The following PCDH9 variants were observed in gnomAD, a reference collection of about 807,000 sequenced individuals.
The protein encoded by PCDH9 is protocadherin 9.
PCDH9 carries 24 observed loss-of-function variants against 70.6 expected under a neutral mutation model. That is an observed-to-expected ratio of 0.34 (90% CI 0.25 to 0.48). The LOEUF (loss-of-function observed/expected upper bound fraction) is 0.48. Ranked by LOEUF, PCDH9 falls within the 20% of genes least tolerant of loss-of-function variation. The probability of loss-of-function intolerance (pLI) is 0.99; values close to 1 mark genes in which losing one functional copy is unlikely to be tolerated. For synonymous variants in PCDH9, 562 were observed against 558.5 expected, an observed-to-expected ratio of 1.01 and a Z score of -0.09; for missense variants, 1,281 against 1,503.6, an observed-to-expected ratio of 0.85 and a Z score of 2.45.
intron 2 of PCDH9, chr13:67,202,121 A>G (rs2089228313): frequency 6.6e-6 from 1 of 152,030 alleles, no homozygotes; most frequent in Admixed American, 6.6e-5. Flanking sequence ...AAGTGAAAGC[A>G]AGGAAACACA....
At chr13:67,208,971 T>C (rs552670842) in intron 2 of PCDH9, 2 of 152,294 alleles carry the variant, frequency 1.3e-5, no homozygotes, top group African/African-American at 4.8e-5. Context: ...AACGTTACTT[T>C]AGGTGAAATT....
At chr13:67,078,102 C>T (rs1052867709) in intron 2 of PCDH9, among the ~76,000 whole-genome samples, 10 of 152,018 alleles carry the variant, frequency 6.6e-5, no homozygotes, top group African/African-American at 2.2e-4. Flanking sequence ...CATGGATATC[C>T]GCCACTCAAA....
intron 3 of PCDH9, among the ~76,000 whole-genome samples, chr13:66,705,975 T>C (rs939699717): frequency 6.6e-6 from 1 of 152,210 alleles, no homozygotes; most frequent in Non-Finnish European, 1.5e-5. Flanking sequence ...ATTCATCAGC[T>C]ATTGATCACA....
intron 4 of PCDH9, among the ~76,000 whole-genome samples, chr13:66,428,836 T>C (rs1957718456): frequency 6.6e-6 from 1 of 151,734 alleles, no homozygotes; most frequent in South Asian, 2.1e-4. Flanking sequence ...CAAACAGAAA[T>C]TAAAGTATAT....
intron 3 of PCDH9, among the ~76,000 whole-genome samples, chr13:66,873,758 T>A (rs2081741473): frequency 6.6e-6 from 1 of 152,042 alleles, no homozygotes; most frequent in Non-Finnish European, 1.5e-5. Context: ...GGGGTCCAGA[T>A]TGCTTTGCTA....
At chr13:67,168,311 T>C (rs1344223374) in intron 2 of PCDH9, among the ~76,000 whole-genome samples, 1 of 152,150 alleles carries the variant, frequency 6.6e-6, no homozygotes, top group Admixed American at 6.5e-5. Context: ...GGAACATTGA[T>C]TCTGAGGGCT....
At chr13:66,754,974 T>C (rs2079518067) in intron 3 of PCDH9, among the ~76,000 whole-genome samples, 1 of 152,200 alleles carries the variant, frequency 6.6e-6, no homozygotes, top group Non-Finnish European at 1.5e-5. Flanking sequence ...ATGAATTATA[T>C]CAATGTGGAA....
intron 4 of PCDH9, among the ~76,000 whole-genome samples, chr13:66,377,302 A>G (rs982412012): frequency 6.6e-6 from 1 of 152,112 alleles, no homozygotes; most frequent in Non-Finnish European, 1.5e-5. Flanking sequence ...GTTAAAACCC[A>G]GACTGCCAGT....
chr13:66,875,265 C>T (rs1171115593), intron 3 of PCDH9, among the ~76,000 whole-genome samples: 3 of 152,158 alleles, frequency 2.0e-5, no homozygotes, highest in African/African-American at 7.2e-5. Context: ...TACAATACCA[C>T]AACCCACTGT....
chr13:66,992,418 C>T (rs1300731502), intron 2 of PCDH9, among the ~76,000 whole-genome samples: 1 of 152,126 alleles, frequency 6.6e-6, no homozygotes, highest in East Asian at 1.9e-4. Flanking sequence ...CTTCAGAAAT[C>T]CTGTTTGCTT....
chr13:66,314,040 A>C (rs977693080), intron 4 of PCDH9, among the ~76,000 whole-genome samples: 3 of 152,206 alleles, frequency 2.0e-5, no homozygotes, highest in Non-Finnish European at 4.4e-5. Flanking sequence ...ATCACAGCTC[A>C]GTGCTTCTCA....
intron 4 of PCDH9, among the ~76,000 whole-genome samples, chr13:66,467,802 A>G (rs752830775): frequency 6.6e-5 from 10 of 152,132 alleles, no homozygotes; most frequent in Non-Finnish European, 1.3e-4. Flanking sequence ...TCTTATTTAT[A>G]GCAAAAATTC....
intron 3 of PCDH9, among the ~76,000 whole-genome samples, chr13:66,709,712 A>T (rs2078766962): frequency 4.6e-5 from 7 of 152,224 alleles, no homozygotes. Context: ...CATGGGAATC[A>T]TATGCTAAAA....
At chr13:66,475,016 G>T (rs895323152) in intron 4 of PCDH9, among the ~76,000 whole-genome samples, 1 of 152,066 alleles carries the variant, frequency 6.6e-6, no homozygotes, top group Non-Finnish European at 1.5e-5. Flanking sequence ...CAATAGATAG[G>T]TTAAAAATAT....
chr13:66,707,291 G>A (rs909858071), intron 3 of PCDH9, among the ~76,000 whole-genome samples: 2 of 152,068 alleles, frequency 1.3e-5, no homozygotes, highest in Non-Finnish European at 2.9e-5. Context: ...ATTTTGACTA[G>A]GTTTTCAAAA....
chr13:66,397,132 T>C (rs2138283955), intron 4 of PCDH9, among the ~76,000 whole-genome samples: 1 of 152,194 alleles, frequency 6.6e-6, no homozygotes, highest in African/African-American at 2.4e-5. Context: ...AAAAATATTA[T>C]TTTTGTCTGG....
At chr13:66,827,101 A>C (rs1037065772) in intron 3 of PCDH9, among the ~76,000 whole-genome samples, 1 of 152,144 alleles carries the variant, frequency 6.6e-6, no homozygotes, top group Non-Finnish European at 1.5e-5. Flanking sequence ...GAGTGGTAGG[A>C]GACATGAAGC....
chr13:66,735,855 T>C (rs1209963227), intron 3 of PCDH9, among the ~76,000 whole-genome samples: 2 of 151,878 alleles, frequency 1.3e-5, no homozygotes, highest in African/African-American at 4.8e-5. Flanking sequence ...TCCCATCTAC[T>C]CAGGAGGCTG....
At chr13:66,543,570 A>T (rs1314603834) in intron 4 of PCDH9, among the ~76,000 whole-genome samples, 1 of 152,034 alleles carries the variant, frequency 6.6e-6, no homozygotes, top group Admixed American at 6.6e-5. Context: ...CCGTTTCAAA[A>T]AAAAAAAAGA....
Sources: allele counts gnomAD v4.1 joint callset (sites outside exome capture counted in the v4.1 genomes callset), GRCh38; gene constraint gnomAD v4.1.1; transcripts MANE v1.5; gene names NCBI Gene and HGNC (gene_info 2026-07-23, HGNC 2026-07-21).